The following MACF1 variants were observed in gnomAD, a reference collection of about 807,000 sequenced individuals.
MACF1 encodes the protein microtubule-actin cross-linking factor 1.
MACF1 carries 193 observed loss-of-function variants against 854.8 expected under a neutral mutation model. The observed-to-expected ratio is 0.23, with a 90% CI of 0.20 to 0.25. MACF1 has a LOEUF of 0.25. MACF1 is among the 10% of genes least tolerant of loss of function. The pLI, the probability that MACF1 is intolerant of heterozygous loss-of-function variation, is 1.00. For missense variants in MACF1, 7,722 were observed against 8,929.1 expected, an observed-to-expected ratio of 0.86 and a Z score of 5.45; for synonymous variants, 3,185 against 3,226.7, an observed-to-expected ratio of 0.99 and a Z score of 0.44.
At chr1:39,464,909 CAAAAA>C (rs5773660) in intron 94 of MACF1, 181 bp from the exon 95 acceptor site, 6 of 454,694 alleles carry the variant, frequency 1.3e-5, no homozygotes, top group South Asian at 4.6e-5. Flanking sequence ...GCGAGACTCT[CAAAAA>C]AAAAAAAAAA....
chr1:39,445,175 C>T (rs1463549175), intron 80 of MACF1, among the ~76,000 whole-genome samples: 1 of 152,176 alleles, frequency 6.6e-6, no homozygotes, highest in Non-Finnish European at 1.5e-5. Context: ...CATATAGGGA[C>T]TGACGAATAA....
At chr1:39,372,765 A>G (rs1649357617) in intron 52 of MACF1, 169 bp downstream of exon 52, 2 of 573,530 alleles carry the variant, frequency 3.5e-6, no homozygotes, top group Non-Finnish European at 6.2e-6. Flanking sequence ...CTTTTGCTAT[A>G]TAACATTGCT....
chr1:39,323,107 A>C, intron 33 of MACF1, 99 bp downstream of exon 33: 1 of 1,070,844 alleles, frequency 9.3e-7, no homozygotes, highest in East Asian at 2.4e-5. Flanking sequence ...CAGGTGGCTG[A>C]GTTGGGAGGA....
In MACF1 at chr1:39,331,872, A is replaced by G. The variant is rs182910183; in HGVS notation, c.5284A>G (p.Thr1762Ala). Residue 1762 changes from threonine (T) to alanine (A), a missense_variant, in exon 37 of 101, where the codon ACT becomes GCT. Physicochemically the swap from Thr to Ala is moderately conservative, Grantham distance 58 (BLOSUM62 0). Around this residue, in one of 15 missense-constraint regions of MACF1, gnomAD observed 1,531 missense variants for 1,601.6 expected, o/e 0.96. Coordinates refer to ENST00000564288, the MANE Select transcript of MACF1 (RefSeq NM_001394062.1). Reference sequence around the variant, plus strand: ...GGAAGGGCTAATAGATAGGCAGGTCACTGTCCGGTTGCTGGAAGCTCAGCT... The same window carrying G: ...GGAAGGGCTAATAGATAGGCAGGTCGCTGTCCGGTTGCTGGAAGCTCAGCT... Reference protein sequence around the residue: ...VQEGLIDRQVTVRLLEAQLFA... With the variant: ...VQEGLIDRQVAVRLLEAQLFA... 270 of 1,614,178 alleles carry G rather than the reference A, an allele frequency of 1.7e-4. 2 individuals are homozygous for G. Among genetic ancestry groups the G allele is most frequent in the Admixed American group, 9.8e-4 (59 of 60,018 alleles).
At chr1:39,118,338 T>C (rs1174354947) in intron 2 of MACF1, among the ~76,000 whole-genome samples, 1 of 152,214 alleles carries the variant, frequency 6.6e-6, no homozygotes, top group Non-Finnish European at 1.5e-5. Context: ...GTAGGACTTG[T>C]CCCAGCCTTT....
intron 2 of MACF1, among the ~76,000 whole-genome samples, chr1:39,124,249 T>G (rs575120322): frequency 6.6e-6 from 1 of 152,080 alleles, no homozygotes. Context: ...AGTTTGTGAT[T>G]AGGTGGTTAG....
intron 2 of MACF1, among the ~76,000 whole-genome samples, chr1:39,098,653 G>T (rs1450281765): frequency 1.3e-5 from 2 of 152,216 alleles, no homozygotes; most frequent in African/African-American, 2.4e-5. Flanking sequence ...CACGGGAGAG[G>T]CCTAGGGAGA....
chr1:39,131,032 A>G (rs1410847953), intron 2 of MACF1, among the ~76,000 whole-genome samples: 1 of 151,280 alleles, frequency 6.6e-6, no homozygotes, highest in African/African-American at 2.4e-5. Flanking sequence ...TTGCATTTCC[A>G]GTAGAAACGG....
chr1:39,451,933 C>G (rs2148680251), intron 85 of MACF1, among the ~76,000 whole-genome samples: 1 of 152,190 alleles, frequency 6.6e-6, no homozygotes, highest in East Asian at 1.9e-4. Flanking sequence ...GTCTTGAACT[C>G]CTGGGCTCAA....
rs1647720952 is a variant in MACF1 at position 39,357,874 on chromosome 1, A to G, written c.11924A>G (p.Tyr3975Cys). 1 of 1,612,582 alleles carries G rather than the reference A, an allele frequency of 6.2e-7. No individual in the cohort carries two copies. The change falls in exon 45 of 101, where the codon TAC (tyrosine) becomes TGC (cysteine). Residue 3975 changes from tyrosine (Y) to cysteine (C), a missense_variant. By Grantham distance (194) the Tyr-to-Cys change is radical (BLOSUM62 -2). Transcript: ENST00000564288. Reference protein sequence around the residue: ...KDKLKDATERYTALHSKCTRL... With the variant: ...KDKLKDATERCTALHSKCTRL... ...AAGTTGAAGGATGCAACAGAAAGAT[A>G]CACTGCTCTCCACTCAAAGGTAAGG...
chr1:39,380,204 G>T (rs1337131387), intron 54 of MACF1, 40 bp from the exon 55 acceptor site: 1 of 1,602,712 alleles, frequency 6.2e-7, no homozygotes, highest in Non-Finnish European at 8.5e-7. Flanking sequence ...TTTGTTTCCT[G>T]TCCAGAATCT....
chr1:39,197,139 C>G (rs888127685), intron 2 of MACF1, among the ~76,000 whole-genome samples: 3 of 152,132 alleles, frequency 2.0e-5, no homozygotes, highest in African/African-American at 7.2e-5. Context: ...GCACACAGAT[C>G]TTAGTTTCAC....
At chr1:39,144,844 G>A (rs937028694) in intron 2 of MACF1, among the ~76,000 whole-genome samples, 5 of 152,004 alleles carry the variant, frequency 3.3e-5, no homozygotes, top group Admixed American at 6.6e-5. Context: ...TTTAGGTGAC[G>A]TGCAATTGCT....
chr1:39,333,997 T>C lies in MACF1; in HGVS notation c.7409T>C (p.Ile2470Thr), dbSNP rs140667676. Residue 2470 changes from isoleucine (I) to threonine (T), a missense_variant, in exon 37 of 101, where the codon ATA becomes ACA. Ile to Thr is a moderately conservative substitution (Grantham distance 89, BLOSUM62 -1). This residue lies in a region of MACF1 where 1,531 missense variants were observed against 1,601.6 expected (regional missense o/e 0.96). Transcript: ENST00000564288. ...ISLQMETTGL[I>T]DPDSKAPLTV... is the part of the protein sequence containing the mutation. ...TTACAAATGGAAACAACAGGACTTA[T>C]AGACCCTGATAGTAAAGCACCTTTA... The C allele has an allele frequency of 2.1e-5, 34 of 1,614,100 alleles. No homozygotes were observed. The Admixed American group carries it at 2.2e-4, about 10-fold the overall frequency.
At chr1:39,236,810 T>C (rs930816138) in intron 2 of MACF1, among the ~76,000 whole-genome samples, 9 of 152,096 alleles carry the variant, frequency 5.9e-5, no homozygotes, top group African/African-American at 1.7e-4. Flanking sequence ...TACAAGCATG[T>C]GCCACCAAAG....
At chr1:39,320,126 C>G (rs370422015) in intron 31 of MACF1, among the ~76,000 whole-genome samples, 1 of 152,158 alleles carries the variant, frequency 6.6e-6, no homozygotes, top group East Asian at 1.9e-4. Flanking sequence ...CTAAACTGTT[C>G]TCTTTGCCTT....
At chr1:39,192,907 C>T (rs376108593) in intron 2 of MACF1, among the ~76,000 whole-genome samples, 1 of 152,062 alleles carries the variant, frequency 6.6e-6, no homozygotes, top group Admixed American at 6.5e-5. Flanking sequence ...GTCAGGAGTT[C>T]GAGACCAGCC....
chr1:39,149,377 G>T (rs1318196338), intron 2 of MACF1, among the ~76,000 whole-genome samples: 1 of 151,948 alleles, frequency 6.6e-6, no homozygotes, highest in African/African-American at 2.4e-5. Flanking sequence ...ACAAAAAATA[G>T]CCAGGCATGG....
chr1:39,194,336 C>T (rs4660523), intron 2 of MACF1, among the ~76,000 whole-genome samples: 12 of 61,342 alleles, frequency 2.0e-4, no homozygotes, highest in African/African-American at 3.4e-4. Flanking sequence ...CTTTTCTTTT[C>T]TTTTCTTTTC....
Sources: allele counts gnomAD v4.1 joint callset (sites outside exome capture counted in the v4.1 genomes callset), GRCh38; gene constraint gnomAD v4.1.1; regional missense constraint gnomAD v4.1.1; transcripts MANE v1.5; gene names NCBI Gene and HGNC (gene_info 2026-07-23, HGNC 2026-07-21).